Variants in CAP2 observed in about 807,000 individuals in gnomAD.
CAP2 encodes adenylyl cyclase-associated protein 2.
Under a neutral mutation model 57.7 loss-of-function variants are expected in CAP2, and 24 were observed. That is an observed-to-expected ratio of 0.42 (90% confidence interval 0.30 to 0.58). The LOEUF (loss-of-function observed/expected upper bound fraction) is 0.58. Ranked by LOEUF, CAP2 falls within the 20% of genes least tolerant of loss-of-function variation. The pLI, the probability that CAP2 is intolerant of heterozygous loss-of-function variation, is 0.22. For missense variants in CAP2, 501 were observed against 590.3 expected (o/e 0.85, Z 1.57); for synonymous variants, 194 against 207.2 (o/e 0.94, Z 0.55).
chr6:17,534,138 C>T (rs2113691812), intron 7 of CAP2, among the ~76,000 whole-genome samples: 1 of 152,248 alleles, frequency 6.6e-6, no homozygotes, highest in African/African-American at 2.4e-5. Context: ...ACATCAGAAT[C>T]CTGTAGGTCC....
intron 7 of CAP2, among the ~76,000 whole-genome samples, chr6:17,523,316 CGCA>C (rs1315905269): frequency 1.1e-4 from 16 of 152,152 alleles, no homozygotes; most frequent in Non-Finnish European, 1.8e-4. Context: ...ATAGGGAAAT[CGCA>C]AGGAGGAGCT....
At chr6:17,426,718 T>C (rs375053680) in intron 3 of CAP2, 28 bp downstream of exon 3, 30 of 1,496,858 alleles carry the variant, frequency 2.0e-5, no homozygotes, top group Non-Finnish European at 2.8e-5. Context: ...CTGTTCTCAG[T>C]AGAGAGTTTA....
chr6:17,447,347 A>T (rs1760288427), intron 3 of CAP2, among the ~76,000 whole-genome samples: 1 of 152,022 alleles, frequency 6.6e-6, no homozygotes, highest in East Asian at 1.9e-4. Flanking sequence ...GTCACTAGAG[A>T]TTAACTTTCT....
intron 3 of CAP2, among the ~76,000 whole-genome samples, chr6:17,450,727 T>C (rs147099082): frequency 6.6e-6 from 1 of 152,228 alleles, no homozygotes; most frequent in African/African-American, 2.4e-5. Flanking sequence ...CCTTCCCAGA[T>C]TGCAAAACTA....
chr6:17,489,925 A>T (rs1022255616), intron 4 of CAP2, among the ~76,000 whole-genome samples: 2 of 152,012 alleles, frequency 1.3e-5, no homozygotes, highest in Non-Finnish European at 2.9e-5. Context: ...GAAATGCTTG[A>T]GGTTGTCAAA....
At chr6:17,494,108 G>A (rs557585015) in intron 4 of CAP2, among the ~76,000 whole-genome samples, 25 of 152,294 alleles carry the variant, frequency 1.6e-4, no homozygotes, top group African/African-American at 6.0e-4. Context: ...AATTATTGCA[G>A]TAGTCTCGAA....
intron 3 of CAP2, among the ~76,000 whole-genome samples, chr6:17,446,677 C>A (rs1030098581): frequency 6.6e-6 from 1 of 152,114 alleles, no homozygotes; most frequent in African/African-American, 2.4e-5. Context: ...GTCTTTTGAA[C>A]TTTTTACAAC....
chr6:17,482,683 G>A (rs963862995), intron 4 of CAP2, among the ~76,000 whole-genome samples: 3 of 152,028 alleles, frequency 2.0e-5, no homozygotes, highest in Non-Finnish European at 2.9e-5. Flanking sequence ...TTATGTTCAC[G>A]TGGTTTCTCC....
intron 4 of CAP2, among the ~76,000 whole-genome samples, chr6:17,474,185 CTTTTTTT>C (rs544909381): frequency 7.2e-4 from 67 of 93,212 alleles, no homozygotes; most frequent in South Asian, 1.2e-3. Flanking sequence ...AAAAAACAGT[CTTTTTTT>C]TTTTTTTTTT....
At chr6:17,505,388 T>G (rs1287012752) in intron 4 of CAP2, among the ~76,000 whole-genome samples, 1 of 152,224 alleles carries the variant, frequency 6.6e-6, no homozygotes, top group Non-Finnish European at 1.5e-5. Flanking sequence ...GACTGCCCTC[T>G]GGGGTGTGAA....
At chr6:17,551,628 C>G in intron 12 of CAP2, 24 bp downstream of exon 12, 1 of 1,536,450 alleles carries the variant, frequency 6.5e-7, no homozygotes, top group South Asian at 1.2e-5. Flanking sequence ...AAAAGGCTGT[C>G]AAGAATTTTT....
chr6:17,453,297 A>G (rs914843823), intron 3 of CAP2, among the ~76,000 whole-genome samples: 5 of 152,196 alleles, frequency 3.3e-5, no homozygotes, highest in Non-Finnish European at 2.9e-5. Context: ...GAACTTCTCT[A>G]TTGAGGTCTA....
At chr6:17,486,889 G>A (rs1171784421) in intron 4 of CAP2, among the ~76,000 whole-genome samples, 2 of 140,342 alleles carry the variant, frequency 1.4e-5, no homozygotes, top group Admixed American at 6.6e-5. Flanking sequence ...ACACCGTCAC[G>A]GTCACCCCCG....
rs1182628463 is a variant in CAP2 at position 17,518,324 on chromosome 6, AG to A, written c.636+4371del. ...AAACGACTTAAAGATTCCAAAGCAT[AG>A]TCCATAGCATAAATCAAGCTAATTT... On this transcript the variant is annotated intron_variant, in intron 7 of 12. Coordinates refer to ENST00000229922, the MANE Select transcript of CAP2 (RefSeq NM_006366.3). Among the ~76,000 whole-genome samples, 12 of 152,364 alleles carry A rather than the reference AG, an allele frequency of 7.9e-5. No individual in the cohort carries two copies. The East Asian group carries it at 2.3e-3, about 29-fold the overall frequency.
At chr6:17,451,268 C>T (rs1760395758) in intron 3 of CAP2, among the ~76,000 whole-genome samples, 2 of 151,980 alleles carry the variant, frequency 1.3e-5, no homozygotes, top group Admixed American at 1.3e-4. Flanking sequence ...TTTCCCTTTT[C>T]ATTTTCTTTT....
intron 4 of CAP2, among the ~76,000 whole-genome samples, chr6:17,506,294 G>A (rs963620311): frequency 1.1e-4 from 17 of 152,156 alleles, no homozygotes; most frequent in African/African-American, 3.4e-4. Flanking sequence ...AGGCGAAGTG[G>A]ACTGGGGACA....
At chr6:17,414,737 C>T (rs1304149166) in intron 1 of CAP2, among the ~76,000 whole-genome samples, 1 of 152,110 alleles carries the variant, frequency 6.6e-6, no homozygotes, top group African/African-American at 2.4e-5. Context: ...GTCTTTATAG[C>T]AGAATGATTT....
At chr6:17,520,157 G>A (rs1762358593) in intron 7 of CAP2, among the ~76,000 whole-genome samples, 1 of 152,066 alleles carries the variant, frequency 6.6e-6, no homozygotes, top group South Asian at 2.1e-4. Flanking sequence ...GCCCAGGCTG[G>A]AGTACAGTGG....
rs796338809 is a variant in CAP2 at position 17,511,461 on chromosome 6, A to AT, written c.531-2380dup. ...TTGGCTGTTTTTCTCTTTCTTTTTT[A>AT]TTTTTTTTGATACAGAGTCTCGCTC... On this transcript the variant is annotated intron_variant, in intron 6 of 12. Transcript: ENST00000229922. Among the ~76,000 whole-genome samples the AT allele has an allele frequency of 2.2e-4, 33 of 151,416 alleles. No homozygotes were observed. In the East Asian group the frequency reaches 2.3e-3, roughly 11 times the overall value.
Sources: gnomAD v4.1 joint callset for allele counts (sites outside exome capture counted in the v4.1 genomes callset) on GRCh38, gnomAD v4.1.1 for gene constraint, MANE v1.5 for transcripts, NCBI Gene and HGNC (gene_info 2026-07-23, HGNC 2026-07-21) for gene names.